XYLB: variants seen among roughly 807,000 people sequenced by gnomAD.
XYLB encodes the protein xylulokinase, also known as xylulose kinase.
In XYLB, 62 loss-of-function variants were observed where a neutral mutation model predicts 78.7. The observed-to-expected ratio is 0.79, with a 90% CI of 0.64 to 0.97. The LOEUF is 0.97. Among genes scored for constraint, XYLB ranks in the 50% least tolerant of loss-of-function variants. The pLI is 0.00. For synonymous variants in XYLB, 245 were observed against 247.4 expected, an observed-to-expected ratio of 0.99 and a Z score of 0.09; for missense variants, 687 against 676.8, an observed-to-expected ratio of 1.02 and a Z score of -0.17.
chr3:38,379,612 T>C (rs746390027), intron 15 of XYLB, among the ~76,000 whole-genome samples: 4 of 152,196 alleles, frequency 2.6e-5, no homozygotes, highest in Non-Finnish European at 4.4e-5. Flanking sequence ...GACTTCGGAA[T>C]GGTCTTTCTG....
chr3:38,410,400 C>T (rs1230718847), intron 18 of XYLB, among the ~76,000 whole-genome samples: 7 of 152,188 alleles, frequency 4.6e-5, no homozygotes, highest in Non-Finnish European at 8.8e-5. Context: ...GGATTAAAGA[C>T]TTAAATGTTA....
In XYLB at chr3:38,372,684, C is replaced by T. The variant is rs752578451; in HGVS notation, c.795C>T (p.Arg265=). 8 of 1,614,066 alleles carry T rather than the reference C, an allele frequency of 5.0e-6. No individual in the cohort carries two copies. The African/African-American group carries it at 9.3e-5, about 19-fold the overall frequency. Residue 265 remains arginine (R), a synonymous_variant, in exon 10 of 19, where the codon CGC becomes CGT. Transcript: ENST00000207870. ...CCATTTCTTCCTACTACGTCCAGCG[C>T]TACGGATTTCCTCCAGGATGCAAAG... The part of the protein sequence containing the change: ...VGAISSYYVQ[R]YGFPPGCKVV...
At chr3:38,422,596 T>A (rs1709013357), downstream of XYLB, among the ~76,000 whole-genome samples, 1 of 152,104 alleles carries the variant, frequency 6.6e-6, no homozygotes. Flanking sequence ...CTGAAGTATA[T>A]CAAAGTATTT....
At chr3:38,423,472 A>T (rs1257789011), downstream of XYLB, among the ~76,000 whole-genome samples, 1 of 152,220 alleles carries the variant, frequency 6.6e-6, no homozygotes, top group Non-Finnish European at 1.5e-5. Context: ...TGCAGCCTGG[A>T]CTGCCTTCTG....
At chr3:38,446,904 CA>C in the XYLB span, among the ~76,000 whole-genome samples, 1 of 152,080 alleles carries the variant, frequency 6.6e-6, no homozygotes, top group South Asian at 2.1e-4. Flanking sequence ...GCCATAAACA[CA>C]AAAATAGACA....
the XYLB span, among the ~76,000 whole-genome samples, chr3:38,433,569 C>G: frequency 1.3e-5 from 2 of 152,196 alleles, no homozygotes; most frequent in Non-Finnish European, 2.9e-5. Context: ...AATTATCTCT[C>G]TCAAGTTCAA....
At chr3:38,397,554 A>C (rs1420572061) in intron 17 of XYLB, among the ~76,000 whole-genome samples, 2 of 152,152 alleles carry the variant, frequency 1.3e-5, no homozygotes, top group African/African-American at 4.8e-5. Context: ...GGAAGGCTTC[A>C]GGCCCAAGCA....
At position 38,360,484 on chromosome 3, in the gene XYLB, C is replaced by G. The variant is rs1295061078; in HGVS notation, c.210+76C>G. On this transcript the variant is annotated intron_variant, in intron 3 of 18. Transcript: ENST00000207870. ...CAGACTCGGTGATTTGCTAGGAAGT[C>G]CAAAGGTGGCAGCCAATGAGAGCAT... 8.8e-6 allele frequency: 12 copies of G among 1,359,710 alleles called. 1 individual carries two copies. The highest frequency in any genetic ancestry group is 1.2e-5 in the Non-Finnish European group (12 of 990,912). 84.2% of individuals were successfully genotyped at this position (1,359,710 alleles called of 1,614,324 possible). A position where few individuals can be genotyped will look rare whatever the true frequency, so the allele number is the denominator to read the frequency against.
chr3:38,409,144 A>G (rs755287237), intron 18 of XYLB, among the ~76,000 whole-genome samples: 48 of 152,256 alleles, frequency 3.2e-4, no homozygotes, highest in Non-Finnish European at 5.7e-4. Context: ...TCAATAAAAT[A>G]CTGGCAAACC....
intron 18 of XYLB, among the ~76,000 whole-genome samples, chr3:38,409,746 G>GACAA (rs1301079349): frequency 2.6e-5 from 4 of 151,306 alleles, no homozygotes; most frequent in Non-Finnish European, 4.4e-5. Flanking sequence ...ACCAAGAAGA[G>GACAA]ACAGAGAGCC....
At chr3:38,399,996 A>C (rs942668978) in intron 17 of XYLB, among the ~76,000 whole-genome samples, 1 of 152,082 alleles carries the variant, frequency 6.6e-6, no homozygotes, top group African/African-American at 2.4e-5. Context: ...TTCTGCTCTG[A>C]GCTGGGATTT....
Position 38,365,669 on chromosome 3 carries a change from G to T in XYLB, c.440G>T (p.Arg147Leu). ...GACTCCAGCACCACAGCCCAGTGCC[G>T]CCAGCTGGAGGCTGCTGTGGGTGGT... The part of the protein sequence containing the change: ...WMDSSTTAQC[R>L]QLEAAVGGAQ... Residue 147 changes from arginine to leucine, a missense_variant, in exon 6 of 19, where the codon CGC (arginine) becomes CTC (leucine). Arg to Leu is a moderately radical substitution (Grantham distance 102, BLOSUM62 -2). Transcript: ENST00000207870. 1 of 1,613,894 alleles carries T rather than the reference G, an allele frequency of 6.2e-7. No homozygotes were observed. Among genetic ancestry groups the T allele is most frequent in the Non-Finnish European group, 8.5e-7 (1 of 1,179,968 alleles).
intron 4 of XYLB, 78 bp downstream of exon 4, chr3:38,363,095 A>T: frequency 8.2e-7 from 1 of 1,213,502 alleles, no homozygotes; most frequent in East Asian, 2.8e-5. Context: ...AGAGATGGCA[A>T]CCCTTGGATG....
At chr3:38,388,169 G>GTTTTTT (rs71085320) in intron 15 of XYLB, among the ~76,000 whole-genome samples, 8 of 109,336 alleles carry the variant, frequency 7.3e-5, no homozygotes, top group African/African-American at 2.3e-4. Context: ...GTTTTTTTTT[G>GTTTTTT]TTTTTTTTTT....
intron 17 of XYLB, among the ~76,000 whole-genome samples, chr3:38,400,291 G>A (rs1708068586): frequency 6.6e-6 from 1 of 152,136 alleles, no homozygotes; most frequent in Non-Finnish European, 1.5e-5. Context: ...CAGCAAAAGA[G>A]GGATCTTAAA....
At chr3:38,411,670 T>G (rs1236483477) in intron 18 of XYLB, among the ~76,000 whole-genome samples, 1 of 151,708 alleles carries the variant, frequency 6.6e-6, no homozygotes, top group Non-Finnish European at 1.5e-5. Flanking sequence ...AACCCTTTCC[T>G]ATTCTACATG....
chr3:38,417,013 CCTCT>C (rs1286056096), downstream of XYLB, among the ~76,000 whole-genome samples: 2 of 152,254 alleles, frequency 1.3e-5, no homozygotes, highest in African/African-American at 4.8e-5. Flanking sequence ...ATTTAAAACA[CCTCT>C]CTCTCATCCA....
At chr3:38,420,100 TG>T (rs1559629141) in exon 18 of XYLB, among the ~76,000 whole-genome samples, 1 of 152,182 alleles carries the variant, frequency 6.6e-6, no homozygotes. Flanking sequence ...TTAACAGGCG[TG>T]AGCCACCACG....
chr3:38,387,950 C>T (rs1047881853), intron 15 of XYLB, among the ~76,000 whole-genome samples: 4 of 152,064 alleles, frequency 2.6e-5, no homozygotes, highest in Non-Finnish European at 4.4e-5. Flanking sequence ...TACTATTTTA[C>T]TGCCATTTCC....
Sources: gnomAD v4.1 joint callset for allele counts (sites outside exome capture counted in the v4.1 genomes callset) on GRCh38, gnomAD v4.1.1 for gene constraint, MANE v1.5 for transcripts, NCBI Gene and HGNC (gene_info 2026-07-23, HGNC 2026-07-21) for gene names.